The following ARID2 variants were observed in gnomAD, a reference collection of about 807,000 sequenced individuals.
The protein encoded by ARID2 is AT-rich interaction domain 2.
In ARID2, 32 loss-of-function variants were observed where a neutral mutation model predicts 184.6. The observed-to-expected ratio is 0.17, with a 90% confidence interval of 0.13 to 0.23. ARID2 has a LOEUF of 0.23. Among genes scored for constraint, ARID2 ranks in the 10% least tolerant of loss-of-function variants. The probability of loss-of-function intolerance (pLI) is 1.00; values close to 1 mark genes in which losing one functional copy is unlikely to be tolerated. For synonymous variants in ARID2, 836 were observed against 772.6 expected (o/e 1.08, Z -1.36); for missense variants, 1,696 against 2,197.6 (o/e 0.77, Z 4.56).
Position 45,839,486 on chromosome 12 carries a change from A to G in ARID2, c.1488A>G (p.Ala496=), listed in dbSNP as rs754342358. ...IEQVQTQTHV[A]SAPASRAVVA... ...AAGTCCAAACCCAGACTCATGTAGC[A>G]TCTGCCCCAGGTTAGTGTTTTCACA... Residue 496 remains alanine, a synonymous_variant, in exon 11 of 21, where the codon GCA becomes GCG. Transcript: ENST00000334344. 6.2e-7 allele frequency: 1 copy of G among 1,611,926 alleles called. No homozygotes were observed. Among genetic ancestry groups the G allele is most frequent in the Non-Finnish European group, 8.5e-7 (1 of 1,179,320 alleles).
chr12:45,868,437 T>TC (rs1290455784), intron 16 of ARID2, among the ~76,000 whole-genome samples: 1 of 152,146 alleles, frequency 6.6e-6, no homozygotes, highest in Admixed American at 6.5e-5. Context: ...CGAGACTCTG[T>TC]CTCAAAGAGG....
intron 3 of ARID2, among the ~76,000 whole-genome samples, chr12:45,805,423 A>T (rs959143545): frequency 1.3e-5 from 2 of 152,028 alleles, no homozygotes; most frequent in Non-Finnish European, 2.9e-5. Context: ...AGTTCTTGAA[A>T]ATTCAGATGA....
At chr12:45,846,224 T>C (rs1943437014) in intron 11 of ARID2, among the ~76,000 whole-genome samples, 1 of 152,218 alleles carries the variant, frequency 6.6e-6, no homozygotes, top group African/African-American at 2.4e-5. Context: ...AAATTTATTA[T>C]TACAACAGAT....
rs1476349104 is a variant in ARID2 at position 45,905,749 on chromosome 12, T to A, written c.*671T>A. 4.3e-6 allele frequency: 1 copy of A among 232,760 alleles called. No individual in the cohort carries two copies. The highest frequency in any genetic ancestry group is 2.2e-5 in the African/African-American group (1 of 45,306). 14.4% of individuals were successfully genotyped at this position (232,760 alleles called of 1,614,324 possible). Reference sequence around the variant, plus strand: ...TGCCACTGCAGCCACTGGAAATACATTCTGTGGTGTCCTAGAAGCATTATT... The same window carrying A: ...TGCCACTGCAGCCACTGGAAATACAATCTGTGGTGTCCTAGAAGCATTATT... On this transcript the variant is annotated 3_prime_UTR_variant, in exon 21 of 21. Coordinates refer to ENST00000334344, the MANE Select transcript of ARID2 (RefSeq NM_152641.4).
intron 5 of ARID2, 146 bp from the exon 6 acceptor site, chr12:45,821,274 G>A: frequency 4.7e-6 from 2 of 422,202 alleles, no homozygotes; most frequent in South Asian, 1.1e-4. Context: ...AAATTATCAT[G>A]ACTATCATTT....
intron 6 of ARID2, among the ~76,000 whole-genome samples, chr12:45,833,924 C>A (rs1262753109): frequency 6.6e-6 from 1 of 152,116 alleles, no homozygotes; most frequent in African/African-American, 2.4e-5. Flanking sequence ...ATAACTCTTC[C>A]CTTATTGAAA....
chr12:45,884,891 T>A (rs1224777862), intron 16 of ARID2, among the ~76,000 whole-genome samples: 1 of 152,182 alleles, frequency 6.6e-6, no homozygotes, highest in Non-Finnish European at 1.5e-5. Context: ...CACCTATGAC[T>A]TTTAATCTGG....
rs200664780 is a variant in ARID2, at chr12:45,893,531, T to G, written c.5259T>G (p.Phe1753Leu). The change falls in exon 19 of 21, where the codon TTT becomes TTG. Residue 1753 changes from phenylalanine (F) to leucine (L), a missense_variant. Around this residue, in one of 11 missense-constraint regions of ARID2, gnomAD observed 69 missense variants for 118.2 expected, o/e 0.58. Transcript: ENST00000334344. Reference sequence around the variant, plus strand: ...GGAGAGGATCAAGAAACCTTGTCTTTCGAGATTTTACAGTAAGCATGCCTT... The same window carrying G: ...GGAGAGGATCAAGAAACCTTGTCTTGCGAGATTTTACAGTAAGCATGCCTT... ...ALRRGSRNLV[F>L]RDFTDEKEGP... The G allele has an allele frequency of 6.2e-7, 1 of 1,613,768 alleles. No homozygotes were observed. The highest frequency in any genetic ancestry group is 2.2e-5 in the East Asian group (1 of 44,878).
At chr12:45,748,682 T>A (rs902604769) in intron 3 of ARID2, among the ~76,000 whole-genome samples, 3 of 152,224 alleles carry the variant, frequency 2.0e-5, no homozygotes, top group Non-Finnish European at 4.4e-5. Context: ...GAGTCAGTCC[T>A]CACAAACCCT....
chr12:45,817,559 T>C (rs912176413), intron 4 of ARID2, 111 bp from the exon 5 acceptor site: 2 of 255,152 alleles, frequency 7.8e-6, no homozygotes, highest in East Asian at 1.5e-4. Flanking sequence ...TTATATTATA[T>C]TTTATATATA....
intron 20 of ARID2, among the ~76,000 whole-genome samples, chr12:45,901,806 C>A (rs1425387129): frequency 6.6e-6 from 1 of 151,982 alleles, no homozygotes; most frequent in African/African-American, 2.4e-5. Context: ...GGACCACAAG[C>A]ATATGCCACC....
chr12:45,873,969 T>C (rs1943967968), intron 16 of ARID2: 1 of 152,208 alleles, frequency 6.6e-6, no homozygotes, highest in African/African-American at 2.4e-5. Flanking sequence ...CACAAAAGAT[T>C]TTGCTGTAGC....
At position 45,804,042 on chromosome 12, in the gene ARID2, A is replaced by G. The variant is rs78543267; in HGVS notation, c.285-7376A>G. ...GAGAGAGGAGACAGTGTCAATGCATAAATTAAATGTCTTTCCCTATTGGAG... is the reference window on the plus strand; with the variant it reads ...GAGAGAGGAGACAGTGTCAATGCATGAATTAAATGTCTTTCCCTATTGGAG... On this transcript the variant is annotated intron_variant, in intron 3 of 20. Coordinates refer to ENST00000334344, the MANE Select transcript of ARID2 (RefSeq NM_152641.4). Among the ~76,000 whole-genome samples the G allele has an allele frequency of 2.5e-3, 382 of 152,270 alleles. 14 individuals carry two copies. In the East Asian group the frequency reaches 0.061, roughly 24 times the overall value.
At chr12:45,825,171 GT>G (rs1364769291) in intron 6 of ARID2, among the ~76,000 whole-genome samples, 1 of 151,982 alleles carries the variant, frequency 6.6e-6, no homozygotes, top group Non-Finnish European at 1.5e-5. Context: ...AAATTCTAGT[GT>G]TTTATAGGAC....
chr12:45,800,051 A>G lies in ARID2; in HGVS notation c.285-11367A>G, dbSNP rs1048300297. ...TTTATGTAGAGATGGGGGTCTCACT[A>G]TGTTGGCCAGGCAGTCTCGAACTCC... On this transcript the variant is annotated intron_variant, in intron 3 of 20. Coordinates refer to ENST00000334344, the MANE Select transcript of ARID2 (RefSeq NM_152641.4). Among the ~76,000 whole-genome samples the G allele has an allele frequency of 3.9e-5, 6 of 152,142 alleles. No individual in the cohort carries two copies. In the East Asian group the frequency reaches 9.7e-4, roughly 24 times the overall value.
At chr12:45,876,793 TA>T (rs569976302) in intron 16 of ARID2, among the ~76,000 whole-genome samples, 1,741 of 128,856 alleles carry the variant, frequency 0.014, 18 homozygotes, top group South Asian at 0.079. Flanking sequence ...AACCTTCAAT[TA>T]AAAAAAAAAA....
At chr12:45,869,765 C>G (rs550139274) in intron 16 of ARID2, among the ~76,000 whole-genome samples, 1 of 151,472 alleles carries the variant, frequency 6.6e-6, no homozygotes, top group East Asian at 2.0e-4. Context: ...CGACTGTAAT[C>G]CCAGCTAATA....
At chr12:45,750,800 A>C (rs548214349) in intron 3 of ARID2, among the ~76,000 whole-genome samples, 1 of 152,272 alleles carries the variant, frequency 6.6e-6, no homozygotes, top group South Asian at 2.1e-4. Flanking sequence ...AATCCCCCAA[A>C]CTACCCTATA....
chr12:45,751,772 C>A (rs2137995082), intron 3 of ARID2, among the ~76,000 whole-genome samples: 1 of 152,218 alleles, frequency 6.6e-6, no homozygotes, highest in East Asian at 1.9e-4. Flanking sequence ...GCAATTGTAA[C>A]CCCATGGTAA....
Sources: allele counts gnomAD v4.1 joint callset (sites outside exome capture counted in the v4.1 genomes callset), GRCh38; gene constraint gnomAD v4.1.1; regional missense constraint gnomAD v4.1.1; transcripts MANE v1.5; gene names NCBI Gene and HGNC (gene_info 2026-07-23, HGNC 2026-07-21).